Variants in CCDC102B observed in about 807,000 individuals in gnomAD.
The protein encoded by CCDC102B is coiled-coil domain-containing protein 102B.
In CCDC102B, 75 loss-of-function variants were observed where a neutral mutation model predicts 57.4. The observed-to-expected ratio is 1.31, with a 90% CI of 1.08 to 1.58. The LOEUF is 1.58. Ranked by LOEUF, CCDC102B falls within the 40% of genes most tolerant of loss-of-function variation. The probability of loss-of-function intolerance (pLI) is 0.00; values close to 1 mark genes in which losing one functional copy is unlikely to be tolerated. For synonymous variants in CCDC102B, 206 were observed against 201.9 expected, an observed-to-expected ratio of 1.02 and a Z score of -0.17; for missense variants, 636 against 582.6, an observed-to-expected ratio of 1.09 and a Z score of -0.94.
intron 1 of CCDC102B, among the ~76,000 whole-genome samples, chr18:68,807,559 G>A (rs1050568602): frequency 6.6e-6 from 1 of 152,110 alleles, no homozygotes; most frequent in Non-Finnish European, 1.5e-5. Context: ...GTTTAATCTG[G>A]TCTTCCACTC....
chr18:69,007,544 A>G (rs1262976743), intron 6 of CCDC102B, among the ~76,000 whole-genome samples: 5 of 152,226 alleles, frequency 3.3e-5, no homozygotes, highest in Non-Finnish European at 5.9e-5. Flanking sequence ...GAATTGGCTT[A>G]TACCAATGGT....
In CCDC102B at chr18:68,735,965, T is replaced by TCAG. The variant is rs200020525; in HGVS notation, c.-67+19377_-67+19379dup. Among the ~76,000 whole-genome samples the TCAG allele has an allele frequency of 4.2e-3, 633 of 152,320 alleles. 1 individual carries two copies. The highest frequency in any genetic ancestry group is 0.01 in the Middle Eastern group (3 of 294). On this transcript the variant is annotated intron_variant, in intron 2 of 3. Transcript: ENST00000578970. ...GTATAAGGTTATGCAGGCAGGCTTG[T>TCAG]CAGCAGCATTCTTTGTGAATCACTT...
At chr18:68,917,718 C>T (rs1056709788) in intron 6 of CCDC102B, among the ~76,000 whole-genome samples, 1 of 152,042 alleles carries the variant, frequency 6.6e-6, no homozygotes, top group African/African-American at 2.4e-5. Context: ...ATAATTATTT[C>T]GGATGCTTTC....
chr18:68,889,046 T>A (rs2039984316), intron 5 of CCDC102B, among the ~76,000 whole-genome samples: 1 of 151,176 alleles, frequency 6.6e-6, no homozygotes. Flanking sequence ...TTTTTCTTTG[T>A]CTCTTTTTCT....
At chr18:68,937,860 T>C (rs2145158654) in intron 6 of CCDC102B, among the ~76,000 whole-genome samples, 1 of 152,178 alleles carries the variant, frequency 6.6e-6, no homozygotes, top group Non-Finnish European at 1.5e-5. Context: ...ATGCGATGTT[T>C]GGTTTTCTGT....
chr18:69,001,164 T>C (rs952392560), intron 6 of CCDC102B, among the ~76,000 whole-genome samples: 7 of 152,288 alleles, frequency 4.6e-5, no homozygotes, highest in Non-Finnish European at 7.4e-5. Flanking sequence ...CCTCTTCATA[T>C]CACAATTTTT....
chr18:68,738,301 A>G (rs2033235133), intron 2 of CCDC102B, among the ~76,000 whole-genome samples: 3 of 152,184 alleles, frequency 2.0e-5, no homozygotes, highest in Non-Finnish European at 2.9e-5. Context: ...AATATGTAGC[A>G]AAGAATAAGA....
At chr18:68,905,609 A>G (rs2040601687) in intron 6 of CCDC102B, among the ~76,000 whole-genome samples, 1 of 151,730 alleles carries the variant, frequency 6.6e-6, no homozygotes, top group African/African-American at 2.4e-5. Context: ...TGTCTATTTA[A>G]TTCCAAAGCA....
At chr18:68,911,963 C>G (rs904095434) in intron 6 of CCDC102B, among the ~76,000 whole-genome samples, 5 of 151,692 alleles carry the variant, frequency 3.3e-5, no homozygotes, top group African/African-American at 1.2e-4. Flanking sequence ...TGAATTTAAC[C>G]AATCCCATTT....
chr18:68,874,520 C>A, intron 4 of CCDC102B, 149 bp from the exon 5 acceptor site: 2 of 524,126 alleles, frequency 3.8e-6, no homozygotes, highest in Non-Finnish European at 3.5e-6. Context: ...AGTTCAACCA[C>A]AATCATTACA....
At chr18:69,021,599 G>A (rs1234968594) in intron 7 of CCDC102B, among the ~76,000 whole-genome samples, 1 of 152,204 alleles carries the variant, frequency 6.6e-6, no homozygotes, top group East Asian at 1.9e-4. Flanking sequence ...ACAGTTGAAT[G>A]TAACAAATGT....
intron 6 of CCDC102B, among the ~76,000 whole-genome samples, chr18:68,958,095 C>G (rs1018344549): frequency 2.6e-5 from 4 of 152,076 alleles, no homozygotes; most frequent in South Asian, 2.1e-4. Context: ...CTAGTGCAGG[C>G]AAACTCAACT....
chr18:68,950,875 A>G (rs1265416281), intron 6 of CCDC102B, among the ~76,000 whole-genome samples: 1 of 152,190 alleles, frequency 6.6e-6, no homozygotes, highest in African/African-American at 2.4e-5. Context: ...TTGAGAATTA[A>G]ACGTGACAAT....
intron 2 of CCDC102B, among the ~76,000 whole-genome samples, chr18:68,775,444 C>T (rs2034778330): frequency 6.6e-6 from 1 of 151,970 alleles, no homozygotes; most frequent in Non-Finnish European, 1.5e-5. Flanking sequence ...TTTCCCTTGA[C>T]ATTTATTTAT....
intron 5 of CCDC102B, among the ~76,000 whole-genome samples, chr18:68,880,512 G>C (rs1244934325): frequency 6.6e-6 from 1 of 152,238 alleles, no homozygotes; most frequent in African/African-American, 2.4e-5. Flanking sequence ...AGGAGGCGCC[G>C]AGAGCCAGCG....
At chr18:68,803,677 T>G (rs151205435) in intron 1 of CCDC102B, among the ~76,000 whole-genome samples, 2 of 151,812 alleles carry the variant, frequency 1.3e-5, no homozygotes, top group African/African-American at 2.4e-5. Context: ...CAGCTTAAGC[T>G]TCAAGATATT....
chr18:68,906,257 C>T (rs2040638561), intron 6 of CCDC102B, among the ~76,000 whole-genome samples: 1 of 152,112 alleles, frequency 6.6e-6, no homozygotes, highest in South Asian at 2.1e-4. Context: ...CTACCTCTAG[C>T]TCTTTTGAAT....
At chr18:68,837,411 A>G (rs745670285) in intron 2 of CCDC102B, 42 bp downstream of exon 2, 3 of 1,550,944 alleles carry the variant, frequency 1.9e-6, no homozygotes, top group Non-Finnish European at 1.7e-6. Context: ...TCTGAAGGTC[A>G]TATATAGTGA....
rs546081189 is a variant in CCDC102B, at chr18:68,984,353, C to G, written c.1264-26581C>G. 2.6e-5 allele frequency among the ~76,000 whole-genome samples: 4 copies of G among 152,080 alleles called. No homozygotes were observed. In the South Asian group the frequency reaches 8.3e-4, roughly 32 times the overall value. ...TCAACTATAGAAATGCCATAAATTG[C>G]AGAGTAAATCTGTAGAAAGGTGATG... On this transcript the variant is annotated intron_variant, in intron 6 of 7. Coordinates refer to ENST00000360242, the MANE Select transcript of CCDC102B (RefSeq NM_024781.3).
Sources: gnomAD v4.1 joint callset for allele counts (sites outside exome capture counted in the v4.1 genomes callset) on GRCh38, gnomAD v4.1.1 for gene constraint, MANE v1.5 for transcripts, NCBI Gene and HGNC (gene_info 2026-07-23, HGNC 2026-07-21) for gene names.